Variants in SEMA5A observed in about 807,000 individuals in gnomAD.
The protein encoded by SEMA5A is semaphorin-5A.
In SEMA5A, 55 loss-of-function variants were observed where a neutral mutation model predicts 135.5. The observed-to-expected ratio is 0.41, with a 90% CI of 0.33 to 0.51. The LOEUF is 0.51. Among genes scored for constraint, SEMA5A ranks in the 20% least tolerant of loss-of-function variants. The pLI, the probability that SEMA5A is intolerant of heterozygous loss-of-function variation, is 0.37. For missense variants in SEMA5A, 1,290 were observed against 1,419.9 expected (o/e 0.91, Z 1.47); for synonymous variants, 580 against 546.5 (o/e 1.06, Z -0.85).
intron 2 of SEMA5A, among the ~76,000 whole-genome samples, chr5:9,380,365 C>A (rs910904382): frequency 6.6e-6 from 1 of 152,212 alleles, no homozygotes; most frequent in Non-Finnish European, 1.5e-5. Context: ...CCGGATTTCC[C>A]TTGGTCACCT....
chr5:9,144,639 C>T (rs1742234221), intron 12 of SEMA5A, among the ~76,000 whole-genome samples: 1 of 152,214 alleles, frequency 6.6e-6, no homozygotes, highest in African/African-American at 2.4e-5. Context: ...TGGCTCTCTT[C>T]ACACTTGGCC....
intron 1 of SEMA5A, among the ~76,000 whole-genome samples, chr5:9,472,008 T>A (rs976626537): frequency 2.6e-5 from 4 of 152,240 alleles, no homozygotes; most frequent in Non-Finnish European, 4.4e-5. Context: ...TACATTTTTT[T>A]ATTATACTTT....
chr5:9,387,955 C>G (rs1189216503), intron 2 of SEMA5A, among the ~76,000 whole-genome samples: 1 of 152,104 alleles, frequency 6.6e-6, no homozygotes, highest in Admixed American at 6.5e-5. Flanking sequence ...CCACGTGTCT[C>G]GATTGCCAAG....
chr5:9,258,094 G>A, intron 5 of SEMA5A, among the ~76,000 whole-genome samples: 1 of 152,186 alleles, frequency 6.6e-6, no homozygotes, highest in Admixed American at 6.5e-5. Context: ...AAACACAAGG[G>A]GGAAGAACTG....
chr5:9,511,948 A>G (rs1736227395), intron 1 of SEMA5A: 1 of 152,228 alleles, frequency 6.6e-6, no homozygotes, highest in Non-Finnish European at 1.5e-5. Flanking sequence ...CATTATCCTG[A>G]CAAAATATGA....
At chr5:9,364,685 G>T (rs950440442) in intron 3 of SEMA5A, among the ~76,000 whole-genome samples, 4 of 152,038 alleles carry the variant, frequency 2.6e-5, no homozygotes, top group African/African-American at 9.7e-5. Context: ...ATTTTATAAC[G>T]TGAGTTATTT....
At chr5:9,532,440 CTTTTTTTTTTT>C (rs4045370) in intron 1 of SEMA5A, among the ~76,000 whole-genome samples, 6 of 125,146 alleles carry the variant, frequency 4.8e-5, no homozygotes, top group African/African-American at 1.8e-4. Flanking sequence ...TAATTTTTTT[CTTTTTTTTTTT>C]TTTTTTTTGT....
chr5:9,341,058 C>T (rs1214302424), intron 3 of SEMA5A, among the ~76,000 whole-genome samples: 2 of 152,052 alleles, frequency 1.3e-5, no homozygotes, highest in Non-Finnish European at 2.9e-5. Context: ...ACATCCTCTC[C>T]TATTTCAAAA....
intron 5 of SEMA5A, among the ~76,000 whole-genome samples, chr5:9,306,220 C>T (rs962865708): frequency 6.6e-6 from 1 of 152,168 alleles, no homozygotes; most frequent in African/African-American, 2.4e-5. Context: ...AATTACCAGG[C>T]ACATAGCTTC....
At chr5:9,271,154 T>A (rs1713593632) in intron 5 of SEMA5A, among the ~76,000 whole-genome samples, 1 of 152,022 alleles carries the variant, frequency 6.6e-6, no homozygotes, top group Non-Finnish European at 1.5e-5. Flanking sequence ...GATCTGATGG[T>A]TTAAAAGCAT....
At chr5:9,382,012 G>T (rs1282605726) in intron 2 of SEMA5A, among the ~76,000 whole-genome samples, 1 of 144,946 alleles carries the variant, frequency 6.9e-6, no homozygotes, top group African/African-American at 2.5e-5. Context: ...TTTCAGACAC[G>T]TGGCCAGGCA....
At chr5:9,417,961 G>T (rs1035157214) in intron 2 of SEMA5A, among the ~76,000 whole-genome samples, 1 of 147,620 alleles carries the variant, frequency 6.8e-6, no homozygotes, top group African/African-American at 2.5e-5. Flanking sequence ...ACAGGAGCAA[G>T]TTCTCCAGTG....
chr5:9,274,044 C>T (rs925373991), intron 5 of SEMA5A, among the ~76,000 whole-genome samples: 18 of 152,146 alleles, frequency 1.2e-4, no homozygotes, highest in African/African-American at 3.9e-4. Flanking sequence ...CAAAGACTGG[C>T]AAATTGGATA....
intron 3 of SEMA5A, among the ~76,000 whole-genome samples, chr5:9,372,341 A>G (rs1185442897): frequency 6.6e-6 from 1 of 152,216 alleles, no homozygotes; most frequent in Non-Finnish European, 1.5e-5. Flanking sequence ...GCATGGAGCC[A>G]TGGGACACGC....
chr5:9,344,410 T>A (rs1753773910), intron 3 of SEMA5A, among the ~76,000 whole-genome samples: 1 of 152,182 alleles, frequency 6.6e-6, no homozygotes, highest in Non-Finnish European at 1.5e-5. Context: ...CCTTACTGCC[T>A]AGTAACATAT....
At chr5:9,398,717 C>A (rs955797361) in intron 2 of SEMA5A, among the ~76,000 whole-genome samples, 1 of 152,174 alleles carries the variant, frequency 6.6e-6, no homozygotes, top group African/African-American at 2.4e-5. Flanking sequence ...TGTCTAATGT[C>A]ATGAAAAACT....
At chr5:9,051,772 A>G (rs543738709) in intron 20 of SEMA5A, 101 bp downstream of exon 20, 172 of 1,447,114 alleles carry the variant, frequency 1.2e-4, no homozygotes, top group Non-Finnish European at 1.6e-4. Flanking sequence ...AATCATCTCT[A>G]TTTCACCAAA....
chr5:9,463,688 A>G (rs1377639085), intron 1 of SEMA5A, among the ~76,000 whole-genome samples: 1 of 152,206 alleles, frequency 6.6e-6, no homozygotes, highest in Non-Finnish European at 1.5e-5. Context: ...TCTGTCCCTA[A>G]GCAGCTCACT....
intron 11 of SEMA5A, among the ~76,000 whole-genome samples, chr5:9,188,043 T>A (rs771777422): frequency 7.2e-5 from 11 of 152,182 alleles, no homozygotes; most frequent in Non-Finnish European, 1.6e-4. Flanking sequence ...AGGATTCATA[T>A]GTTGAAGCCC....
Sources: allele counts gnomAD v4.1 joint callset (sites outside exome capture counted in the v4.1 genomes callset), GRCh38; gene constraint gnomAD v4.1.1; transcripts MANE v1.5; gene names NCBI Gene and HGNC (gene_info 2026-07-23, HGNC 2026-07-21).